Variants in LATS2 observed in about 807,000 individuals in gnomAD.
LATS2 encodes serine/threonine-protein kinase LATS2.
LATS2 carries 24 observed loss-of-function variants against 76.0 expected under a neutral mutation model. The observed-to-expected ratio is 0.32, with a 90% CI of 0.23 to 0.44. The LOEUF (loss-of-function observed/expected upper bound fraction) is 0.44. Among genes scored for constraint, LATS2 ranks in the 20% least tolerant of loss-of-function variants. The probability of loss-of-function intolerance (pLI) is 1.00; values close to 1 mark genes in which losing one functional copy is unlikely to be tolerated. For synonymous variants in LATS2, 692 were observed against 635.4 expected, an observed-to-expected ratio of 1.09 and a Z score of -1.34; for missense variants, 1,286 against 1,481.2, an observed-to-expected ratio of 0.87 and a Z score of 2.16.
chr13:21,048,557 G>A (rs914287079), intron 1 of LATS2, among the ~76,000 whole-genome samples: 1 of 152,156 alleles, frequency 6.6e-6, no homozygotes. Flanking sequence ...AAGGCTGGAC[G>A]TGGTGGCTCA....
At chr13:21,061,078 C>T (rs1429520451) in intron 1 of LATS2, among the ~76,000 whole-genome samples, 1 of 151,810 alleles carries the variant, frequency 6.6e-6, no homozygotes, top group Non-Finnish European at 1.5e-5. Flanking sequence ...CGGCCTCCAA[C>T]TTCCCCGGCT....
chr13:20,997,075 A>T (rs1870791155), intron 2 of LATS2, among the ~76,000 whole-genome samples: 1 of 152,024 alleles, frequency 6.6e-6, no homozygotes, highest in South Asian at 2.1e-4. Context: ...AATTCTTCCC[A>T]CTCCATTAAA....
At chr13:20,998,928 G>A (rs868425878) in intron 2 of LATS2, among the ~76,000 whole-genome samples, 2 of 152,008 alleles carry the variant, frequency 1.3e-5, no homozygotes, top group African/African-American at 4.8e-5. Flanking sequence ...TAGGAGTCCC[G>A]GTGACCTTGC....
chr13:20,979,819 A>G (rs1358665298), intron 6 of LATS2, 22 bp from the exon 7 acceptor site: 2 of 1,307,656 alleles, frequency 1.5e-6, no homozygotes, highest in African/African-American at 1.5e-5. Flanking sequence ...AGTTCACTCA[A>G]TCCCTACACA....
At chr13:21,045,312 G>T (rs189426979) in intron 2 of LATS2, among the ~76,000 whole-genome samples, 16 of 152,082 alleles carry the variant, frequency 1.1e-4, no homozygotes, top group African/African-American at 3.6e-4. Context: ...ACAAGAAAAG[G>T]GAAGCCAGTC....
chr13:21,040,133 T>A (rs560362821), intron 2 of LATS2, among the ~76,000 whole-genome samples: 57 of 151,130 alleles, frequency 3.8e-4, no homozygotes, highest in African/African-American at 1.3e-3. Context: ...ACGCCAGTAA[T>A]CCCAGTACTT....
chr13:21,041,378 T>A (rs548915168), intron 2 of LATS2, among the ~76,000 whole-genome samples: 1 of 152,344 alleles, frequency 6.6e-6, no homozygotes, highest in Admixed American at 6.5e-5. Flanking sequence ...CCACTGGCTG[T>A]CTTCTTTATG....
At chr13:21,031,953 T>G (rs1872543228) in intron 2 of LATS2, among the ~76,000 whole-genome samples, 1 of 152,200 alleles carries the variant, frequency 6.6e-6, no homozygotes, top group Admixed American at 6.5e-5. Flanking sequence ...AATAGCTTTT[T>G]AAAAATTGTT....
At chr13:21,006,051 C>T (rs977168526) in intron 2 of LATS2, among the ~76,000 whole-genome samples, 18 of 151,812 alleles carry the variant, frequency 1.2e-4, no homozygotes, top group East Asian at 5.8e-4. Flanking sequence ...GCAGGAGAAT[C>T]GCTGGAACCC....
intron 2 of LATS2, among the ~76,000 whole-genome samples, chr13:20,994,564 C>G (rs751239712): frequency 6.6e-6 from 1 of 152,160 alleles, no homozygotes; most frequent in Non-Finnish European, 1.5e-5. Context: ...GAAGCCTGGC[C>G]GAGGAGCTTG....
At chr13:20,977,115 G>A (rs866799226) in intron 7 of LATS2, among the ~76,000 whole-genome samples, 2 of 152,174 alleles carry the variant, frequency 1.3e-5, no homozygotes, top group South Asian at 4.1e-4. Flanking sequence ...AAGTCCCGAG[G>A]CCAGGCACAG....
intron 6 of LATS2, among the ~76,000 whole-genome samples, chr13:20,980,629 C>T (rs533643699): frequency 6.6e-6 from 1 of 152,292 alleles, no homozygotes; most frequent in South Asian, 2.1e-4. Flanking sequence ...CTTGAGAATG[C>T]TGCACGTGGT....
chr13:21,032,084 T>C (rs751447916), intron 2 of LATS2, among the ~76,000 whole-genome samples: 20 of 152,330 alleles, frequency 1.3e-4, no homozygotes, highest in Non-Finnish European at 2.5e-4. Context: ...CCTAAGGGTT[T>C]CACTTTCCGT....
At chr13:21,025,389 T>C (rs1367002569) in intron 2 of LATS2, among the ~76,000 whole-genome samples, 1 of 118,496 alleles carries the variant, frequency 8.4e-6, no homozygotes. Flanking sequence ...TGAGACTCCG[T>C]CTCCAAAAAA....
rs1240889118 is a variant in LATS2, at chr13:20,988,883, G to A, written c.897C>T (p.Gly299=). 2 of 1,553,148 alleles carry A rather than the reference G, an allele frequency of 1.3e-6. No individual in the cohort carries two copies. The highest frequency in any genetic ancestry group is 1.7e-6 in the Non-Finnish European group (2 of 1,156,402). ...LPTKGQGGPP[G]AGLAFPPPAA... is the part of the protein sequence containing the mutation. ...CAGGGGGTGGGAAAGCGAGGCCGGC[G>A]CCTGGCGGTCCTCCCTGGCCCTTCG... is the stretch of plus-strand genomic sequence containing the variant. Residue 299 remains glycine (G), a synonymous_variant, in exon 4 of 8, where the codon GGC becomes GGT. Coordinates refer to ENST00000382592, the MANE Select transcript of LATS2 (RefSeq NM_014572.3).
chr13:21,014,131 A>G (rs560071015), intron 2 of LATS2, among the ~76,000 whole-genome samples: 1 of 152,118 alleles, frequency 6.6e-6, no homozygotes. Flanking sequence ...AAAAACAGAT[A>G]AAAGTATTTT....
At chr13:21,050,128 A>ACAGATAGG in intron 1 of LATS2, among the ~76,000 whole-genome samples, 1 of 127,322 alleles carries the variant, frequency 7.9e-6, no homozygotes, top group African/African-American at 3.1e-5. Flanking sequence ...TCATAGACAG[A>ACAGATAGG]TAGATAGATA....
chr13:20,975,273 G>A lies in LATS2; in HGVS notation c.2864C>T (p.Ala955Val), dbSNP rs538603231. 2.7e-5 allele frequency: 43 copies of A among 1,613,972 alleles called. No individual in the cohort carries two copies. The highest frequency in any genetic ancestry group is 3.5e-5 in the Non-Finnish European group (41 of 1,179,976). ...RDLITKLCCS[A>V]DHRLGRNGAD... ...CCCATTCCGCCCCAGGCGGTGGTCTGCGGAGCAGCACAGCTTGGTGATGAG... is the reference window on the plus strand; with the variant it reads ...CCCATTCCGCCCCAGGCGGTGGTCTACGGAGCAGCACAGCTTGGTGATGAG... Residue 955 changes from alanine to valine, a missense_variant, in exon 8 of 8, where the codon GCA (alanine) becomes GTA (valine). Coordinates refer to ENST00000382592, the MANE Select transcript of LATS2 (RefSeq NM_014572.3).
At chr13:21,047,434 C>T (rs1306001300) in intron 1 of LATS2, among the ~76,000 whole-genome samples, 3 of 152,180 alleles carry the variant, frequency 2.0e-5, no homozygotes, top group African/African-American at 4.8e-5. Flanking sequence ...GGAAGGTGCC[C>T]GCTGGTGGGA....
Sources: allele counts gnomAD v4.1 joint callset (sites outside exome capture counted in the v4.1 genomes callset), GRCh38; gene constraint gnomAD v4.1.1; transcripts MANE v1.5; gene names NCBI Gene and HGNC (gene_info 2026-07-23, HGNC 2026-07-21).